Variants in FABP12 observed in about 807,000 individuals in gnomAD.
FABP12 encodes fatty acid binding protein 12.
A neutral mutation model predicts 13.7 loss-of-function variants in FABP12; 19 were observed. The ratio of observed to expected loss-of-function variants is 1.39; its 90% CI spans 0.97 to 2.04. FABP12 has a LOEUF of 2.04. FABP12 is among the 30% of genes most tolerant of loss of function. The probability of loss-of-function intolerance (pLI) is 0.00; values close to 1 mark genes in which losing one functional copy is unlikely to be tolerated. For synonymous variants in FABP12, 61 were observed against 57.0 expected, an observed-to-expected ratio of 1.07 and a Z score of -0.32; for missense variants, 182 against 164.2, an observed-to-expected ratio of 1.11 and a Z score of -0.59.
At chr8:81,550,255 A>G (rs1809503184) in intron 1 of FABP12, among the ~76,000 whole-genome samples, 1 of 152,192 alleles carries the variant, frequency 6.6e-6, no homozygotes, top group South Asian at 2.1e-4. Flanking sequence ...TGTTCTCATT[A>G]GAGTCTTATA....
chr8:81,532,627 C>T (rs1324005514), intron 1 of FABP12, among the ~76,000 whole-genome samples: 4 of 152,166 alleles, frequency 2.6e-5, no homozygotes, highest in Non-Finnish European at 5.9e-5. Context: ...TCAAGATCAG[C>T]CGGGCCAATA....
intron 1 of FABP12, among the ~76,000 whole-genome samples, chr8:81,589,495 G>A (rs34484987): frequency 2.8e-3 from 424 of 152,140 alleles, no homozygotes; most frequent in Admixed American, 6.4e-3. Context: ...CACAAACAGC[G>A]CTGACCTCCC....
chr8:81,585,593 G>T (rs1156325795), intron 1 of FABP12, among the ~76,000 whole-genome samples: 1 of 151,994 alleles, frequency 6.6e-6, no homozygotes, highest in Non-Finnish European at 1.5e-5. Context: ...TAAATTTTAG[G>T]ATGTTTTATC....
chr8:81,560,230 T>C (rs1028012178), intron 1 of FABP12, among the ~76,000 whole-genome samples: 5 of 152,196 alleles, frequency 3.3e-5, no homozygotes, highest in Non-Finnish European at 7.3e-5. Flanking sequence ...AATTGGCCCC[T>C]ACTGCCCTCC....
chr8:81,557,490 G>A (rs1220072132), intron 1 of FABP12, among the ~76,000 whole-genome samples: 1 of 152,026 alleles, frequency 6.6e-6, no homozygotes, highest in Non-Finnish European at 1.5e-5. Context: ...AATTTTCGAG[G>A]ATTTTCTTAT....
chr8:81,533,575 G>C (rs1809141208), intron 1 of FABP12, among the ~76,000 whole-genome samples: 1 of 152,086 alleles, frequency 6.6e-6, no homozygotes, highest in African/African-American at 2.4e-5. Flanking sequence ...TTCCTTACCA[G>C]TTCCTCAAGT....
chr8:81,586,743 T>A (rs2130114101), intron 1 of FABP12, among the ~76,000 whole-genome samples: 1 of 152,216 alleles, frequency 6.6e-6, no homozygotes, highest in African/African-American at 2.4e-5. Context: ...ATTCTGCAGG[T>A]TGTGTGTTTA....
intron 1 of FABP12, among the ~76,000 whole-genome samples, chr8:81,583,561 A>G (rs181186844): frequency 4.6e-5 from 7 of 152,294 alleles, no homozygotes; most frequent in Admixed American, 4.6e-4. Context: ...ATTATTATGA[A>G]TGACTACACA....
chr8:81,529,735 C>T, intron 2 of FABP12, 125 bp from the exon 3 acceptor site: 1 of 898,492 alleles, frequency 1.1e-6, no homozygotes, highest in Non-Finnish European at 1.6e-6. Context: ...TAATTCTTTG[C>T]TAACTAGGAG....
chr8:81,555,418 C>T (rs1354190342), intron 1 of FABP12, among the ~76,000 whole-genome samples: 1 of 152,054 alleles, frequency 6.6e-6, no homozygotes, highest in Non-Finnish European at 1.5e-5. Context: ...AATCTAAAGT[C>T]CTAATACCAG....
intron 1 of FABP12, among the ~76,000 whole-genome samples, chr8:81,570,371 G>C (rs1009679608): frequency 2.0e-5 from 3 of 152,178 alleles, no homozygotes; most frequent in Non-Finnish European, 2.9e-5. Flanking sequence ...CGAAGTTCTT[G>C]TTCTGCTACC....
At chr8:81,566,005 A>T (rs1188865986) in intron 1 of FABP12, among the ~76,000 whole-genome samples, 2 of 152,026 alleles carry the variant, frequency 1.3e-5, no homozygotes, top group African/African-American at 4.8e-5. Context: ...TACCACAAAA[A>T]CTCAAAGGAT....
intron 1 of FABP12, among the ~76,000 whole-genome samples, chr8:81,531,670 G>A (rs909517852): frequency 3.3e-5 from 5 of 152,170 alleles, no homozygotes; most frequent in Admixed American, 2.0e-4. Flanking sequence ...CTGGACAGCT[G>A]TGTTTATGCC....
intron 1 of FABP12, among the ~76,000 whole-genome samples, chr8:81,553,626 C>T (rs1809559637): frequency 6.6e-6 from 1 of 152,170 alleles, no homozygotes; most frequent in Non-Finnish European, 1.5e-5. Flanking sequence ...TATTTGGCGG[C>T]AGAATGGAGA....
At chr8:81,567,618 A>G (rs1809850081) in intron 1 of FABP12, among the ~76,000 whole-genome samples, 1 of 152,230 alleles carries the variant, frequency 6.6e-6, no homozygotes, top group Non-Finnish European at 1.5e-5. Context: ...AGAAGAATGA[A>G]ACTAGACCCC....
intron 1 of FABP12, among the ~76,000 whole-genome samples, chr8:81,579,144 A>G (rs1285862769): frequency 6.6e-6 from 1 of 151,890 alleles, no homozygotes; most frequent in East Asian, 1.9e-4. Flanking sequence ...GTCTATTTTG[A>G]TGTTCATTCA....
intron 2 of FABP12, among the ~76,000 whole-genome samples, chr8:81,530,133 T>A (rs1585834696): frequency 3.9e-5 from 6 of 152,188 alleles, no homozygotes; most frequent in Admixed American, 3.9e-4. Flanking sequence ...CATTTGAAGT[T>A]ACAATTCAGT....
chr8:81,563,749 AAAG>A (rs1335242810), intron 1 of FABP12, among the ~76,000 whole-genome samples: 2 of 152,222 alleles, frequency 1.3e-5, no homozygotes, highest in East Asian at 3.8e-4. Flanking sequence ...GAGAAAAAAG[AAAG>A]AAGAATAATA....
intron 1 of FABP12, among the ~76,000 whole-genome samples, chr8:81,589,594 C>A (rs1228642065): frequency 6.6e-6 from 1 of 152,194 alleles, no homozygotes; most frequent in East Asian, 1.9e-4. Flanking sequence ...GAAAGATTGA[C>A]AAGCCCCTGC....
Sources: gnomAD v4.1 joint callset for allele counts (sites outside exome capture counted in the v4.1 genomes callset) on GRCh38, gnomAD v4.1.1 for gene constraint, MANE v1.5 for transcripts, NCBI Gene and HGNC (gene_info 2026-07-23, HGNC 2026-07-21) for gene names.